PDE4D: variants seen among roughly 807,000 people sequenced by gnomAD.
The protein encoded by PDE4D is 3',5'-cyclic-AMP phosphodiesterase 4D.
Under a neutral mutation model 87.4 loss-of-function variants are expected in PDE4D, and 24 were observed. That is an observed-to-expected ratio of 0.27 (90% CI 0.20 to 0.39). The LOEUF (loss-of-function observed/expected upper bound fraction) is 0.39, where lower values mean the gene tolerates loss of function less well. Ranked by LOEUF, PDE4D falls within the 10% of genes least tolerant of loss-of-function variation. The pLI is 1.00. For missense variants in PDE4D, 714 were observed against 1,041.0 expected (o/e 0.69, Z 4.32); for synonymous variants, 384 against 383.2 (o/e 1.00, Z -0.02).
intron 2 of PDE4D, among the ~76,000 whole-genome samples, chr5:60,018,828 A>C (rs1410575911): frequency 6.6e-6 from 1 of 152,224 alleles, no homozygotes; most frequent in Non-Finnish European, 1.5e-5. Flanking sequence ...ATGAACAGCC[A>C]GATTCATAGA....
chr5:59,812,717 G>A (rs936804707), intron 1 of PDE4D, among the ~76,000 whole-genome samples: 8 of 151,870 alleles, frequency 5.3e-5, no homozygotes, highest in Non-Finnish European at 7.4e-5. Flanking sequence ...AGTGAGACAA[G>A]TGAGATAAAA....
chr5:59,474,686 G>C (rs1247193115), intron 1 of PDE4D, among the ~76,000 whole-genome samples: 1 of 151,968 alleles, frequency 6.6e-6, no homozygotes, highest in Non-Finnish European at 1.5e-5. Flanking sequence ...TGTATGAAGA[G>C]AACAAGAAAT....
intron 1 of PDE4D, among the ~76,000 whole-genome samples, chr5:60,352,634 C>T (rs1759300555): frequency 6.6e-6 from 1 of 152,160 alleles, no homozygotes; most frequent in African/African-American, 2.4e-5. Flanking sequence ...ACCCTGAAGG[C>T]AAAACATTTC....
intron 1 of PDE4D, among the ~76,000 whole-genome samples, chr5:59,516,053 T>G (rs937605641): frequency 1.3e-5 from 2 of 152,234 alleles, no homozygotes; most frequent in Non-Finnish European, 2.9e-5. Flanking sequence ...TTATTTTAAC[T>G]GTGATTCATG....
intron 2 of PDE4D, among the ~76,000 whole-genome samples, chr5:60,084,968 C>A (rs1006552374): frequency 6.6e-6 from 1 of 152,108 alleles, no homozygotes; most frequent in Non-Finnish European, 1.5e-5. Flanking sequence ...GATTGTTCAG[C>A]GTCCATGCCT....
chr5:59,039,479 A>G, intron 5 of PDE4D: 1 of 985,734 alleles, frequency 1.0e-6, no homozygotes, highest in Non-Finnish European at 1.2e-6. Flanking sequence ...CTTGAAGTGA[A>G]TGAATCAGCC....
In PDE4D at chr5:60,424,291, C is replaced by T. The variant is rs150409660; in HGVS notation, c.-90+63651G>A. On this transcript the variant is annotated intron_variant, in intron 1 of 16. Transcript: ENST00000502484. The stretch of plus-strand genomic sequence containing the variant: ...CGATGAGAAAATCCTCAATAAAATA[C>T]TGGCAAACTGAAACCAGCAGCACAT... Among the ~76,000 whole-genome samples, 913 of 152,276 alleles carry T rather than the reference C, an allele frequency of 6.0e-3. 26 individuals carry two copies. The highest frequency in any genetic ancestry group is 0.058 in the East Asian group (299 of 5,180).
intron 1 of PDE4D, chr5:59,768,646 G>C (rs1763111091): frequency 1.3e-6 from 2 of 1,516,336 alleles, no homozygotes; most frequent in Admixed American, 2.1e-5. Flanking sequence ...CAGTCTCTCT[G>C]TAGAGCCTGG....
chr5:60,097,118 T>C (rs1775754183), intron 2 of PDE4D, among the ~76,000 whole-genome samples: 1 of 152,164 alleles, frequency 6.6e-6, no homozygotes, highest in South Asian at 2.1e-4. Flanking sequence ...CTAGTCATAC[T>C]CTTATTCTAA....
At position 60,022,599 on chromosome 5, in the gene PDE4D, T is replaced by G. The variant is rs539672906; in HGVS notation, c.43-33882A>C. On this transcript the variant is annotated intron_variant, in intron 2 of 16. Coordinates refer to the PDE4D transcript ENST00000502484. The stretch of plus-strand genomic sequence containing the variant: ...CCCAGCTCTCTCTCTGTCTAAGATG[T>G]CACATCCCTCATTACATCTCAATGT... 3 of 152,350 alleles carry G rather than the reference T, an allele frequency of 2.0e-5. No individual in the cohort carries two copies. In the East Asian group the frequency reaches 5.8e-4, roughly 29 times the overall value. 9.4% of individuals were successfully genotyped at this position (152,350 alleles called of 1,614,324 possible). A position where few individuals can be genotyped will look rare whatever the true frequency, so the allele number is the denominator to read the frequency against.
At chr5:59,442,232 A>G (rs1194785299) in intron 1 of PDE4D, among the ~76,000 whole-genome samples, 1 of 152,234 alleles carries the variant, frequency 6.6e-6, no homozygotes, top group Non-Finnish European at 1.5e-5. Flanking sequence ...CAGATATTAA[A>G]TTGACTTTGT....
rs562590141 is a variant in PDE4D, at chr5:60,389,222, C to T, written c.-90+98720G>A. On this transcript the variant is annotated intron_variant, in intron 1 of 16. Coordinates refer to the PDE4D transcript ENST00000502484. ...GCTTACACCAAATTGCACTTTATAA[C>T]ACAGTAGTGAGAAGAAATTCTGACC... Among the ~76,000 whole-genome samples the T allele has an allele frequency of 3.3e-5, 5 of 152,262 alleles. No homozygotes were observed. In the East Asian group the frequency reaches 9.6e-4, roughly 29 times the overall value.
chr5:60,303,136 C>G (rs376905870), intron 1 of PDE4D, among the ~76,000 whole-genome samples: 1 of 151,624 alleles, frequency 6.6e-6, no homozygotes, highest in East Asian at 2.0e-4. Flanking sequence ...GCCTAAATTT[C>G]CCTCTTAACA....
intron 1 of PDE4D, among the ~76,000 whole-genome samples, chr5:59,712,938 T>G (rs1754428596): frequency 6.6e-6 from 1 of 152,172 alleles, no homozygotes; most frequent in African/African-American, 2.4e-5. Context: ...TATAAATGTT[T>G]TACTATAACA....
chr5:59,853,996 C>T, intron 1 of PDE4D, among the ~76,000 whole-genome samples: 1 of 151,946 alleles, frequency 6.6e-6, no homozygotes, highest in East Asian at 1.9e-4. Flanking sequence ...GAACATGTAT[C>T]ATTTCAGTTT....
chr5:60,405,288 G>A (rs1331460468), intron 1 of PDE4D, among the ~76,000 whole-genome samples: 1 of 152,200 alleles, frequency 6.6e-6, no homozygotes, highest in East Asian at 1.9e-4. Flanking sequence ...TTCCCAAGAG[G>A]AGCAAGGAAT....
intron 1 of PDE4D, among the ~76,000 whole-genome samples, chr5:60,385,540 C>A (rs888587882): frequency 6.6e-6 from 1 of 152,224 alleles, no homozygotes; most frequent in African/African-American, 2.4e-5. Flanking sequence ...GAGAGGGGCA[C>A]TGGCAACACT....
At chr5:60,255,857 A>G (rs531252488) in intron 1 of PDE4D, among the ~76,000 whole-genome samples, 1 of 152,010 alleles carries the variant, frequency 6.6e-6, no homozygotes, top group Admixed American at 6.6e-5. Context: ...AACACTATGC[A>G]ACATATTTTC....
chr5:59,988,418 C>T, intron 3 of PDE4D: 1 of 994,068 alleles, frequency 1.0e-6, no homozygotes, highest in South Asian at 1.9e-5. Flanking sequence ...GCCACAAAAA[C>T]TCAAAAGACC....
Sources: gnomAD v4.1 joint callset for allele counts (sites outside exome capture counted in the v4.1 genomes callset) on GRCh38, gnomAD v4.1.1 for gene constraint, MANE v1.5 for transcripts, NCBI Gene and HGNC (gene_info 2026-07-23, HGNC 2026-07-21) for gene names.